MYOZ2: variants seen among roughly 807,000 people sequenced by gnomAD.
The protein encoded by MYOZ2 is myozenin 2, also known as myozenin-2.
A neutral mutation model predicts 25.4 loss-of-function variants in MYOZ2; 19 were observed. The observed-to-expected ratio is 0.75, with a 90% CI of 0.52 to 1.10. The LOEUF (loss-of-function observed/expected upper bound fraction) is 1.10, where lower values mean the gene tolerates loss of function less well. Ranked by LOEUF, MYOZ2 falls within the 50% of genes least tolerant of loss-of-function variation. The probability of loss-of-function intolerance (pLI) is 0.00; values close to 1 mark genes in which losing one functional copy is unlikely to be tolerated. For missense variants in MYOZ2, 270 were observed against 317.9 expected (o/e 0.85, Z 1.15); for synonymous variants, 92 against 106.9 (o/e 0.86, Z 0.86).
intron 2 of MYOZ2, among the ~76,000 whole-genome samples, chr4:119,139,926 T>C (rs1741126010): frequency 7.4e-6 from 1 of 135,878 alleles, no homozygotes; most frequent in Non-Finnish European, 1.7e-5. Context: ...CCCAGCACAC[T>C]GAAGAGAACT....
intron 5 of MYOZ2, among the ~76,000 whole-genome samples, chr4:119,178,732 G>A (rs534532344): frequency 1.7e-4 from 26 of 152,038 alleles, no homozygotes; most frequent in African/African-American, 6.3e-4. Flanking sequence ...TCAGCCTCCC[G>A]AGTAGGTGGG....
chr4:119,171,537 G>C (rs1322190635), intron 5 of MYOZ2, among the ~76,000 whole-genome samples: 1 of 151,598 alleles, frequency 6.6e-6, no homozygotes, highest in African/African-American at 2.4e-5. Flanking sequence ...ATTTAAAATA[G>C]AGGCTAAAAT....
chr4:119,171,798 AT>A (rs948383002), intron 5 of MYOZ2, among the ~76,000 whole-genome samples: 7 of 143,408 alleles, frequency 4.9e-5, no homozygotes, highest in African/African-American at 1.7e-4. Flanking sequence ...TATTTTTCAC[AT>A]TTTTTCCAAA....
chr4:119,175,698 G>A (rs879548827), intron 5 of MYOZ2, among the ~76,000 whole-genome samples: 1 of 151,840 alleles, frequency 6.6e-6, no homozygotes, highest in South Asian at 2.1e-4. Context: ...GTTGCTGTGA[G>A]TAGAGATTGT....
chr4:119,152,773 T>A (rs1469549144), intron 3 of MYOZ2, among the ~76,000 whole-genome samples: 1 of 152,130 alleles, frequency 6.6e-6, no homozygotes, highest in African/African-American at 2.4e-5. Flanking sequence ...TAATAATATA[T>A]GCAATAAAGT....
At chr4:119,176,836 T>A (rs1316461163) in intron 5 of MYOZ2, among the ~76,000 whole-genome samples, 2 of 152,244 alleles carry the variant, frequency 1.3e-5, no homozygotes, top group Non-Finnish European at 2.9e-5. Context: ...TAAGTGCTTT[T>A]CAAACTCTAT....
At chr4:119,137,886 A>G (rs975676521) in intron 2 of MYOZ2, among the ~76,000 whole-genome samples, 11 of 152,258 alleles carry the variant, frequency 7.2e-5, no homozygotes, top group Admixed American at 3.9e-4. Flanking sequence ...AATGTGGCAA[A>G]AATCAGATGA....
At chr4:119,145,277 G>C (rs1194207675) in intron 2 of MYOZ2, among the ~76,000 whole-genome samples, 1 of 150,326 alleles carries the variant, frequency 6.7e-6, no homozygotes, top group African/African-American at 2.5e-5. Context: ...TAAGGATTTT[G>C]CTTCTACGTG....
At chr4:119,147,169 C>T (rs1391333001) in intron 2 of MYOZ2, among the ~76,000 whole-genome samples, 2 of 152,254 alleles carry the variant, frequency 1.3e-5, no homozygotes, top group South Asian at 2.1e-4. Context: ...AATCTGACAT[C>T]AATTGATGTA....
At chr4:119,172,802 A>G (rs1561127832) in intron 5 of MYOZ2, among the ~76,000 whole-genome samples, 2 of 152,324 alleles carry the variant, frequency 1.3e-5, no homozygotes, top group South Asian at 2.1e-4. Context: ...AGTTTGGCCT[A>G]TTCCTAGGAA....
intron 3 of MYOZ2, 110 bp from the exon 4 acceptor site, chr4:119,157,912 G>A (rs1172892538): frequency 2.3e-5 from 31 of 1,348,462 alleles, no homozygotes; most frequent in Non-Finnish European, 2.7e-5. Context: ...GTAATGAAGC[G>A]ACATTGCATT....
rs1741032158 is a variant in MYOZ2, at chr4:119,136,654, C to A, written c.76+53C>A. 2.6e-6 allele frequency: 4 copies of A among 1,531,436 alleles called. No homozygotes were observed. The East Asian group carries it at 9.3e-5, about 35-fold the overall frequency. The allele number at this position is 1,531,436 out of a possible 1,614,324, so 94.9% of individuals were successfully genotyped here. ...AATATAGCACAGCATGAATGTGGCT[C>A]CATCCTGACGTTGTTTAATATTCCA... On this transcript the variant is annotated intron_variant, in intron 2 of 5. Coordinates refer to ENST00000307128, the MANE Select transcript of MYOZ2 (RefSeq NM_016599.5).
intron 2 of MYOZ2, among the ~76,000 whole-genome samples, chr4:119,140,045 T>C (rs567083596): frequency 5.8e-4 from 89 of 152,184 alleles, no homozygotes; most frequent in Non-Finnish European, 8.2e-4. Context: ...CCAGGGGTCC[T>C]GGGTTCCAGA....
At chr4:119,180,229 T>C (rs927963348) in intron 5 of MYOZ2, among the ~76,000 whole-genome samples, 1 of 152,206 alleles carries the variant, frequency 6.6e-6, no homozygotes, top group Non-Finnish European at 1.5e-5. Flanking sequence ...TTCTACCTTG[T>C]TTGCTTTTAT....
At chr4:119,151,178 A>G (rs1199495092) in intron 3 of MYOZ2, 137 bp downstream of exon 3, 29 of 904,218 alleles carry the variant, frequency 3.2e-5, no homozygotes, top group Non-Finnish European at 4.9e-5. Context: ...TTTTTATCAT[A>G]ATGAATAGTT....
chr4:119,185,478 C>A (rs1170423972), intron 5 of MYOZ2, among the ~76,000 whole-genome samples: 3 of 152,258 alleles, frequency 2.0e-5, no homozygotes, highest in Non-Finnish European at 4.4e-5. Context: ...CCATGCCCGG[C>A]TAATTTTTGT....
rs148134242 is a variant in MYOZ2, at chr4:119,137,694, C to T, written c.76+1093C>T. ...ACTGTACTGGATTCAACTTGGTTCTCATGTTTTACTGTAATGTCAAATTAG... is the reference window on the plus strand; with the variant it reads ...ACTGTACTGGATTCAACTTGGTTCTTATGTTTTACTGTAATGTCAAATTAG... On this transcript the variant is annotated intron_variant, in intron 2 of 5. Coordinates refer to ENST00000307128, the MANE Select transcript of MYOZ2 (RefSeq NM_016599.5). Among the ~76,000 whole-genome samples the T allele has an allele frequency of 5.8e-3, 887 of 152,228 alleles. 7 individuals carry two copies. The highest frequency in any genetic ancestry group is 7.5e-3 in the Non-Finnish European group (510 of 68,004).
At chr4:119,183,828 T>TC (rs1742238469) in intron 5 of MYOZ2, among the ~76,000 whole-genome samples, 1 of 151,484 alleles carries the variant, frequency 6.6e-6, no homozygotes, top group African/African-American at 2.4e-5. Flanking sequence ...TTTTTTTTTT[T>TC]TCCGAGACTG....
At chr4:119,175,617 T>G (rs1332546431) in intron 5 of MYOZ2, among the ~76,000 whole-genome samples, 1 of 151,982 alleles carries the variant, frequency 6.6e-6, no homozygotes, top group Non-Finnish European at 1.5e-5. Flanking sequence ...CCAGGTGTGG[T>G]GGCGGGCGTC....
Sources: allele counts gnomAD v4.1 joint callset (sites outside exome capture counted in the v4.1 genomes callset), GRCh38; gene constraint gnomAD v4.1.1; transcripts MANE v1.5; gene names NCBI Gene and HGNC (gene_info 2026-07-23, HGNC 2026-07-21).